Variants in GLRA2 observed in about 807,000 individuals in gnomAD.
The protein encoded by GLRA2 is glycine receptor alpha 2.
In GLRA2, 11 loss-of-function variants were observed where a neutral mutation model predicts 31.6. That is an observed-to-expected ratio of 0.35 (90% CI 0.22 to 0.58). GLRA2 has a LOEUF of 0.58. GLRA2 is among the 20% of genes least tolerant of loss of function. The pLI is 0.84. For missense variants in GLRA2, 212 were observed against 351.8 expected, an observed-to-expected ratio of 0.60 and a Z score of 3.18; for synonymous variants, 132 against 134.0, an observed-to-expected ratio of 0.99 and a Z score of 0.10.
chrX:14,454,368 CT>C, the GLRA2 span, among the ~76,000 whole-genome samples: 1 of 111,088 alleles, frequency 9.0e-6, no homozygotes, highest in East Asian at 2.8e-4. Context: ...CACAGGATCT[CT>C]TTCTGTGTTA....
intron 3 of GLRA2, 44 bp from the exon 4 acceptor site, chrX:14,581,139 T>A (rs1254895027): frequency 1.3e-6 from 1 of 772,990 alleles, no homozygotes; most frequent in South Asian, 2.1e-5. Flanking sequence ...ATAGAACTCC[T>A]GTGCCAGGGT....
chrX:14,585,867 T>A (rs964161382), intron 4 of GLRA2, among the ~76,000 whole-genome samples: 71 of 112,288 alleles, frequency 6.3e-4, no homozygotes, highest in Non-Finnish European at 1.1e-4. Context: ...TAAGCAATTA[T>A]TTAATTATGT....
At chrX:14,641,527 A>G (rs2090773721) in intron 7 of GLRA2, among the ~76,000 whole-genome samples, 1 of 111,283 alleles carries the variant, frequency 9.0e-6, no homozygotes, top group African/African-American at 3.3e-5. Context: ...TACCTCTGAT[A>G]CCTCATCTAT....
chrX:14,641,401 C>T (rs1002304988), intron 7 of GLRA2, among the ~76,000 whole-genome samples: 3 of 111,634 alleles, frequency 2.7e-5, no homozygotes, highest in African/African-American at 6.5e-5. Context: ...GAGCAGCATT[C>T]TATATGGCAG....
intron 4 of GLRA2, among the ~76,000 whole-genome samples, chrX:14,584,103 A>G (rs1245144842): frequency 9.0e-6 from 1 of 110,982 alleles, no homozygotes; most frequent in Admixed American, 9.6e-5. Context: ...ATAGGGTACT[A>G]CGCTTATTGC....
At chrX:14,490,948 C>T in the GLRA2 span, among the ~76,000 whole-genome samples, 4 of 111,947 alleles carry the variant, frequency 3.6e-5, no homozygotes, top group Admixed American at 1.9e-4. Context: ...CTAACAGCAT[C>T]TGACCAATTC....
the GLRA2 span, among the ~76,000 whole-genome samples, chrX:14,498,578 ATC>A: frequency 9.0e-6 from 1 of 111,187 alleles, no homozygotes; most frequent in African/African-American, 3.3e-5. Context: ...CAATTGGGAT[ATC>A]TGTCACCTTA....
At chrX:14,723,966 T>G (rs185850139) in intron 8 of GLRA2, among the ~76,000 whole-genome samples, 2 of 111,941 alleles carry the variant, frequency 1.8e-5, no homozygotes, top group African/African-American at 3.2e-5. Flanking sequence ...ATCAAATCTA[T>G]TTTGCTCTCC....
intron 2 of GLRA2, among the ~76,000 whole-genome samples, chrX:14,565,485 T>G (rs2089792399): frequency 9.5e-6 from 1 of 105,744 alleles, no homozygotes; most frequent in African/African-American, 3.6e-5. Flanking sequence ...TCTCTCATCA[T>G]TTTGGTCAAT....
At chrX:14,551,835 T>C (rs780646489) in intron 2 of GLRA2, among the ~76,000 whole-genome samples, 4 of 111,530 alleles carry the variant, frequency 3.6e-5, no homozygotes, top group Non-Finnish European at 7.5e-5. Flanking sequence ...TATTCTCTTA[T>C]TACTTTCCAA....
intron 4 of GLRA2, among the ~76,000 whole-genome samples, chrX:14,595,917 C>T (rs1279054587): frequency 1.8e-5 from 2 of 112,124 alleles, no homozygotes; most frequent in Non-Finnish European, 3.8e-5. Context: ...CTTCAAGAGA[C>T]ACACTGTCTT....
chrX:14,468,739 C>A, the GLRA2 span, among the ~76,000 whole-genome samples: 1 of 111,444 alleles, frequency 9.0e-6, no homozygotes, highest in Non-Finnish European at 1.9e-5. Context: ...GGAATCGCCA[C>A]ACTGACTTCC....
chrX:14,495,586 GTGTA>G, the GLRA2 span, among the ~76,000 whole-genome samples: 1 of 108,645 alleles, frequency 9.2e-6, no homozygotes, highest in African/African-American at 3.4e-5. Context: ...GTGTGAGTGT[GTGTA>G]TATATATATA....
intron 7 of GLRA2, among the ~76,000 whole-genome samples, chrX:14,630,803 C>CT (rs34851916): frequency 2.1e-3 from 187 of 89,962 alleles, no homozygotes; most frequent in East Asian, 0.016. Context: ...TTGGTCTCTG[C>CT]TTTTTTTTTT....
intron 7 of GLRA2, among the ~76,000 whole-genome samples, chrX:14,657,710 CA>C (rs1353279332): frequency 8.9e-6 from 1 of 112,125 alleles, no homozygotes; most frequent in Non-Finnish European, 1.9e-5. Flanking sequence ...ATTTGTGTCC[CA>C]ATTATAGAAA....
At chrX:14,685,093 G>A (rs1020264040) in intron 7 of GLRA2, among the ~76,000 whole-genome samples, 4 of 111,709 alleles carry the variant, frequency 3.6e-5, no homozygotes, top group Non-Finnish European at 7.5e-5. Context: ...TTTGTCTTTG[G>A]TTCCATTTAT....
chrX:14,711,672 T>G (rs773250204), intron 8 of GLRA2, among the ~76,000 whole-genome samples: 7 of 112,189 alleles, frequency 6.2e-5, no homozygotes, highest in African/African-American at 1.9e-4. Context: ...CCCTGAATCT[T>G]CTCAAAAAAC....
intron 8 of GLRA2, among the ~76,000 whole-genome samples, chrX:14,713,424 G>A (rs2091741316): frequency 8.9e-6 from 1 of 112,017 alleles, no homozygotes; most frequent in African/African-American, 3.2e-5. Flanking sequence ...ATTTCCATAT[G>A]CAAGGCATTG....
the GLRA2 span, among the ~76,000 whole-genome samples, chrX:14,491,712 A>C: frequency 9.0e-6 from 1 of 111,287 alleles, no homozygotes; most frequent in South Asian, 3.8e-4. Flanking sequence ...TACTGTTCTA[A>C]TGGCCTGGCT....
Sources: allele counts gnomAD v4.1 joint callset (sites outside exome capture counted in the v4.1 genomes callset), GRCh38; gene constraint gnomAD v4.1.1; transcripts MANE v1.5; gene names NCBI Gene and HGNC (gene_info 2026-07-23, HGNC 2026-07-21).